Variants in ASNSD1 observed in about 807,000 individuals in gnomAD.
ASNSD1 encodes asparagine synthetase domain containing 1.
In ASNSD1, 36 loss-of-function variants were observed where a neutral mutation model predicts 48.3. The ratio of observed to expected loss-of-function variants is 0.75; its 90% CI spans 0.57 to 0.99. The LOEUF is 0.99. Ranked by LOEUF, ASNSD1 falls within the 50% of genes least tolerant of loss-of-function variation. The pLI, the probability that ASNSD1 is intolerant of heterozygous loss-of-function variation, is 0.00. For synonymous variants in ASNSD1, 257 were observed against 262.1 expected, an observed-to-expected ratio of 0.98 and a Z score of 0.19; for missense variants, 714 against 758.2, an observed-to-expected ratio of 0.94 and a Z score of 0.69.
chr2:189,667,318 A>G lies in ASNSD1; in HGVS notation c.1186A>G (p.Ser396Gly). 1 of 1,614,180 alleles carries G rather than the reference A, an allele frequency of 6.2e-7. No homozygotes were observed. Among genetic ancestry groups the G allele is most frequent in the Non-Finnish European group, 8.5e-7 (1 of 1,180,036 alleles). ...SKDVAAAAADSPNKHVSVPDR... is the reference protein window; with the variant it reads ...SKDVAAAAADGPNKHVSVPDR... Reference sequence around the variant, plus strand: ...AGATGTTGCTGCTGCTGCTGCTGACAGTCCTAATAAACATGTCAGTGTACC... The same window carrying G: ...AGATGTTGCTGCTGCTGCTGCTGACGGTCCTAATAAACATGTCAGTGTACC... The change falls in exon 4 of 6, where the codon AGT becomes GGT. Residue 396 changes from serine to glycine, a missense_variant. Ser to Gly is a moderately conservative substitution (Grantham distance 56, BLOSUM62 0). Transcript: ENST00000260952.
At chr2:189,663,741 C>T (rs2032726336) in intron 1 of ASNSD1, among the ~76,000 whole-genome samples, 160 bp from the exon 2 acceptor site, 1 of 152,190 alleles carries the variant, frequency 6.6e-6, no homozygotes, top group Non-Finnish European at 1.5e-5. Context: ...ACAGAGACTC[C>T]TGTTGAAAAT....
intron 2 of ASNSD1, among the ~76,000 whole-genome samples, chr2:189,664,297 CTT>C (rs756877748): frequency 2.0e-5 from 3 of 152,152 alleles, no homozygotes; most frequent in Non-Finnish European, 4.4e-5. Flanking sequence ...TGAGAAGAAA[CTT>C]TTCTTTTAAA....
At chr2:189,662,111 C>T (rs977200083) in intron 1 of ASNSD1, among the ~76,000 whole-genome samples, 2 of 152,212 alleles carry the variant, frequency 1.3e-5, no homozygotes, top group African/African-American at 2.4e-5. Context: ...CCCGGCAAGG[C>T]CTTCCTAAGC....
intron 1 of ASNSD1, among the ~76,000 whole-genome samples, chr2:189,663,008 G>C (rs144761781): frequency 2.7e-5 from 4 of 148,828 alleles, no homozygotes; most frequent in African/African-American, 9.9e-5. Flanking sequence ...TAGTCATTGA[G>C]ATAAAAAGAG....
chr2:189,667,175 C>G lies in ASNSD1; in HGVS notation c.1043C>G (p.Pro348Arg), dbSNP rs1457454651. The change falls in exon 4 of 6, where the codon CCA (proline) becomes CGA (arginine). Residue 348 changes from proline (P) to arginine (R), a missense_variant. Transcript: ENST00000260952. The part of the protein sequence containing the change: ...LADRHIPLDE[P>R]IDLLNVAFIA... ...GACCGTCATATTCCTTTAGATGAAC[C>G]AATTGATCTTCTTAATGTAGCTTTC... The G allele has an allele frequency of 6.2e-7, 1 of 1,614,018 alleles. No individual in the cohort carries two copies. The highest frequency in any genetic ancestry group is 1.3e-5 in the African/African-American group (1 of 74,924).
At chr2:189,662,433 A>G (rs754672355) in intron 1 of ASNSD1, among the ~76,000 whole-genome samples, 3 of 152,202 alleles carry the variant, frequency 2.0e-5, no homozygotes, top group Non-Finnish European at 4.4e-5. Context: ...TACACCTGTC[A>G]TTCCTAAAAT....
chr2:189,670,124 TG>T (rs1457503057), intron 5 of ASNSD1, among the ~76,000 whole-genome samples: 1 of 149,732 alleles, frequency 6.7e-6, no homozygotes, highest in Non-Finnish European at 1.5e-5. Flanking sequence ...GCCTGGGCAA[TG>T]TGGCGAAATC....
chr2:189,667,243 G>A lies in ASNSD1; in HGVS notation c.1111G>A (p.Gly371Arg). ...CATGCCAACTACCTTTAACAGAGAA[G>A]GGAATAAACAGAAAAATAAATGTGA... ...KTMPTTFNRE[G>R]NKQKNKCEIP... is the part of the protein sequence containing the mutation. Residue 371 changes from glycine to arginine, a missense_variant, in exon 4 of 6, where the codon GGG becomes AGG. By Grantham distance (125) the Gly-to-Arg change is moderately radical. Transcript: ENST00000260952. The A allele has an allele frequency of 1.2e-6, 2 of 1,613,962 alleles. No individual in the cohort carries two copies. Among genetic ancestry groups the A allele is most frequent in the Non-Finnish European group, 8.5e-7 (1 of 1,179,984 alleles).
Position 189,667,345 on chromosome 2 carries a change from G to C in ASNSD1, c.1213G>C (p.Asp405His). ...DSPNKHVSVPDRITGRAGLKE... is the reference protein window; with the variant it reads ...DSPNKHVSVPHRITGRAGLKE... ...TCCTAATAAACATGTCAGTGTACCAGATCGAATCACAGGAAGGGCGGGACT... is the reference window on the plus strand; with the variant it reads ...TCCTAATAAACATGTCAGTGTACCACATCGAATCACAGGAAGGGCGGGACT... Residue 405 changes from aspartate (D) to histidine (H), a missense_variant, in exon 4 of 6, where the codon GAT becomes CAT. Transcript: ENST00000260952. The C allele has an allele frequency of 6.2e-7, 1 of 1,614,194 alleles. No individual in the cohort carries two copies. Among genetic ancestry groups the C allele is most frequent in the Non-Finnish European group, 8.5e-7 (1 of 1,180,036 alleles).
In ASNSD1 at chr2:189,667,614, T is replaced by C. The variant is rs1383902017; in HGVS notation, c.1464+18T>C. The C allele has an allele frequency of 6.4e-7, 1 of 1,568,450 alleles. No individual in the cohort carries two copies. The highest frequency in any genetic ancestry group is 1.2e-5 in the South Asian group (1 of 83,262). ...ATGCAAAGGTATGACACAGTGTTTC[T>C]TCTCCTGAGAATTCCTGAGACCTAT... On this transcript the variant is annotated intron_variant, in intron 4 of 5. Transcript: ENST00000260952.
In ASNSD1 at chr2:189,666,172, C is replaced by T. The variant is rs147443669; in HGVS notation, c.40C>T (p.His14Tyr). The part of the protein sequence containing the change: ...ICCSVNFSAE[H>Y]FSQDLKEDLL... ...TTGTTCTGTAAACTTTTCTGCTGAG[C>T]ATTTCAGTCAAGATTTAAAAGAGGA... The change falls in exon 4 of 6, where the codon CAT becomes TAT. Residue 14 changes from histidine (H) to tyrosine (Y), a missense_variant. Coordinates refer to ENST00000260952, the MANE Select transcript of ASNSD1 (RefSeq NM_019048.4). The T allele has an allele frequency of 1.9e-6, 3 of 1,598,680 alleles. No individual in the cohort carries two copies. Among genetic ancestry groups the T allele is most frequent in the Non-Finnish European group, 2.6e-6 (3 of 1,173,854 alleles).
In ASNSD1 at chr2:189,666,309, T is replaced by G. The variant is rs144877511; in HGVS notation, c.177T>G (p.Val59=). ...FSAHVLHLRG[V]LTTQPVEDER... The stretch of plus-strand genomic sequence containing the variant: ...CTCACGTCCTACACTTGAGGGGTGT[T>G]TTGACTACCCAGCCTGTGGAAGATG... Residue 59 remains valine (V), a synonymous_variant, in exon 4 of 6, where the codon GTT becomes GTG. Coordinates refer to ENST00000260952, the MANE Select transcript of ASNSD1 (RefSeq NM_019048.4). 541 of 1,614,012 alleles carry G rather than the reference T, an allele frequency of 3.4e-4. 5 individuals carry two copies. In the African/African-American group the frequency reaches 6.5e-3, roughly 19 times the overall value.
At position 189,666,373 on chromosome 2, in the gene ASNSD1, A is replaced by G. The variant is rs535848516; in HGVS notation, c.241A>G (p.Ser81Gly). The stretch of plus-strand genomic sequence containing the variant: ...GTTTCTATGGAATGGAGAAATTTTT[A>G]GTGGAATAAAGGTTGAAGCTGAAGA... ...NVFLWNGEIFSGIKVEAEEND... is the reference protein window; with the variant it reads ...NVFLWNGEIFGGIKVEAEEND... The change falls in exon 4 of 6, where the codon AGT (serine) becomes GGT (glycine). Residue 81 changes from serine to glycine, a missense_variant. Physicochemically the swap from Ser to Gly is moderately conservative, Grantham distance 56 (BLOSUM62 0). Transcript: ENST00000260952. 4 of 1,613,754 alleles carry G rather than the reference A, an allele frequency of 2.5e-6. No individual in the cohort carries two copies. The African/African-American group carries it at 5.3e-5, about 22-fold the overall frequency.
chr2:189,667,714 TTACTG>T (rs1197078958), intron 4 of ASNSD1, 45 bp from the exon 5 acceptor site: 37 of 1,552,724 alleles, frequency 2.4e-5, no homozygotes, highest in Non-Finnish European at 3.2e-5. Flanking sequence ...CTTATTTTCT[TTACTG>T]TGTAGTTGAT....
Position 189,666,771 on chromosome 2 carries a change from T to C in ASNSD1, c.639T>C (p.Asn213=). The C allele has an allele frequency of 6.2e-7, 1 of 1,613,896 alleles. No individual in the cohort carries two copies. Among genetic ancestry groups the C allele is most frequent in the Non-Finnish European group, 8.5e-7 (1 of 1,179,768 alleles). The part of the protein sequence containing the change: ...SRENIIEENV[N]SLSQISADLP... Reference sequence around the variant, plus strand: ...AGAATATTATTGAAGAAAATGTTAATAGCCTGAGTCAAATTTCAGCAGACT... The same window carrying C: ...AGAATATTATTGAAGAAAATGTTAACAGCCTGAGTCAAATTTCAGCAGACT... Residue 213 remains asparagine, a synonymous_variant, in exon 4 of 6, where the codon AAT becomes AAC. Coordinates refer to ENST00000260952, the MANE Select transcript of ASNSD1 (RefSeq NM_019048.4).
intron 2 of ASNSD1, among the ~76,000 whole-genome samples, chr2:189,665,111 A>G (rs989086847): frequency 3.7e-4 from 57 of 152,176 alleles, no homozygotes; most frequent in Admixed American, 1.7e-3. Context: ...AGTATTCTCA[A>G]TATATTGCTC....
At position 189,663,928 on chromosome 2, in the gene ASNSD1, G is replaced by T; in HGVS notation, c.-195G>T. ...TAAAGAACAAAAAATTGTGGTGGAT[G>T]AACTTTCTAACCTTAAGAAGAATAG... On this transcript the variant is annotated 5_prime_UTR_variant, in exon 2 of 6. The change abolishes an upstream ATG in the 5' untranslated region. Coordinates refer to ENST00000260952, the MANE Select transcript of ASNSD1 (RefSeq NM_019048.4). The T allele has an allele frequency of 5.1e-6, 2 of 388,394 alleles. No individual in the cohort carries two copies. The highest frequency in any genetic ancestry group is 1.3e-4 in the South Asian group (1 of 7,716). The allele number at this position is 388,394 out of a possible 1,614,324, so 24.1% of individuals were successfully genotyped here. A position where few individuals can be genotyped will look rare whatever the true frequency, so the allele number is the denominator to read the frequency against.
chr2:189,667,851 T>C lies in ASNSD1; in HGVS notation c.1552T>C (p.Leu518=), dbSNP rs1460066244. The C allele has an allele frequency of 6.2e-7, 1 of 1,614,128 alleles. No homozygotes were observed. Among genetic ancestry groups the C allele is most frequent in the Admixed American group, 1.7e-5 (1 of 60,008 alleles). Residue 518 remains leucine (L), a synonymous_variant, in exon 5 of 6, where the codon TTG becomes CTG. Transcript: ENST00000260952. ...VRFQSHGLEG[L]NKEIMMELGR... ...CTTTCAGTCGCATGGGCTGGAAGGA[T>C]TGAATAAGGAAATAATGATGGAACT...
At chr2:189,668,279 C>T (rs2032855960) in intron 5 of ASNSD1, among the ~76,000 whole-genome samples, 1 of 152,120 alleles carries the variant, frequency 6.6e-6, no homozygotes, top group South Asian at 2.1e-4. Flanking sequence ...CTTTGGGAGG[C>T]CAAGGCGGGT....
Sources: gnomAD v4.1 joint callset for allele counts (sites outside exome capture counted in the v4.1 genomes callset) on GRCh38, gnomAD v4.1.1 for gene constraint, MANE v1.5 for transcripts, NCBI Gene and HGNC (gene_info 2026-07-23, HGNC 2026-07-21) for gene names.